Variants in ANAPC4 observed in about 807,000 individuals in gnomAD.
ANAPC4 encodes anaphase promoting complex subunit 4.
ANAPC4 carries 63 observed loss-of-function variants against 119.8 expected under a neutral mutation model. The observed-to-expected ratio is 0.53, with a 90% CI of 0.43 to 0.65. The LOEUF is 0.65. ANAPC4 is among the 30% of genes least tolerant of loss of function. The pLI, the probability that ANAPC4 is intolerant of heterozygous loss-of-function variation, is 0.00. For missense variants in ANAPC4, 716 were observed against 945.1 expected (o/e 0.76, Z 3.18); for synonymous variants, 283 against 318.6 (o/e 0.89, Z 1.19).
chr4:25,409,441 A>T (rs1342780408), intron 20 of ANAPC4, among the ~76,000 whole-genome samples: 2 of 152,236 alleles, frequency 1.3e-5, no homozygotes. Context: ...GCTAACATTT[A>T]TGGAGGGCTT....
rs553214322 is a variant in ANAPC4 at position 25,380,044 on chromosome 4, T to C, written c.130-330T>C. Among the ~76,000 whole-genome samples, 3 of 152,340 alleles carry C rather than the reference T, an allele frequency of 2.0e-5. No individual in the cohort carries two copies. In the East Asian group the frequency reaches 5.8e-4, roughly 29 times the overall value. On this transcript the variant is annotated intron_variant, in intron 2 of 28. Transcript: ENST00000315368. The stretch of plus-strand genomic sequence containing the variant: ...GACTAATTCCAAGCTTAGTATAATT[T>C]GACTGTATTACAGCTAGCTACCTTT...
At chr4:25,394,542 C>A in intron 12 of ANAPC4, 129 bp from the exon 13 acceptor site, 2 of 1,099,380 alleles carry the variant, frequency 1.8e-6, no homozygotes, top group Non-Finnish European at 2.6e-6. Context: ...ATGTTACATG[C>A]GTAGAATTTT....
intron 21 of ANAPC4, among the ~76,000 whole-genome samples, chr4:25,410,377 C>T (rs1392339195): frequency 6.6e-6 from 1 of 152,184 alleles, no homozygotes; most frequent in East Asian, 1.9e-4. Context: ...AATAATCTGA[C>T]CAGATTTAGC....
At chr4:25,410,451 C>CTA (rs1325983917) in intron 21 of ANAPC4, among the ~76,000 whole-genome samples, 2 of 152,120 alleles carry the variant, frequency 1.3e-5, no homozygotes, top group African/African-American at 4.8e-5. Flanking sequence ...GGTGCTTAGT[C>CTA]TGCCATATAC....
chr4:25,377,606 C>A, intron 2 of ANAPC4, 50 bp downstream of exon 2: 1 of 1,511,726 alleles, frequency 6.6e-7, no homozygotes, highest in South Asian at 1.3e-5. Context: ...TCCCGGGGGG[C>A]CCAAGAACAC....
chr4:25,405,525 T>C lies in ANAPC4; in HGVS notation c.1271-48T>C, dbSNP rs750780438. On this transcript the variant is annotated intron_variant, in intron 17 of 28. Coordinates refer to ENST00000315368, the MANE Select transcript of ANAPC4 (RefSeq NM_013367.3). This position sits in a 1 kb window ranked among gnomAD's most constrained non-coding sequence, Gnocchi z 4.6. ...TGAAATGTATTTATAATTAAAATTATGTTTGTAGTTTGCTTTTAAAGATAG... is the reference window on the plus strand; with the variant it reads ...TGAAATGTATTTATAATTAAAATTACGTTTGTAGTTTGCTTTTAAAGATAG... The C allele has an allele frequency of 1.3e-6, 2 of 1,497,880 alleles. No homozygotes were observed. The highest frequency in any genetic ancestry group is 2.3e-5 in the South Asian group (2 of 88,518). The allele number at this position is 1,497,880 out of a possible 1,614,324, so 92.8% of individuals were successfully genotyped here. A position where few individuals can be genotyped will look rare whatever the true frequency, so the allele number is the denominator to read the frequency against.
chr4:25,406,915 T>G (rs1362995067), intron 19 of ANAPC4, 30 bp downstream of exon 19: 3 of 1,517,114 alleles, frequency 2.0e-6, no homozygotes, highest in Admixed American at 4.3e-5. Flanking sequence ...GTAATGCAGT[T>G]TAAAAAAAAA....
chr4:25,403,716 A>G (rs1723102848), intron 17 of ANAPC4, among the ~76,000 whole-genome samples: 1 of 152,152 alleles, frequency 6.6e-6, no homozygotes, highest in Non-Finnish European at 1.5e-5. Flanking sequence ...CATACTGTCC[A>G]CATTTGAGGT....
chr4:25,388,877 C>A lies in ANAPC4; in HGVS notation c.510C>A (p.Asp170Glu). 6.3e-7 allele frequency: 1 copy of A among 1,593,746 alleles called. No individual in the cohort carries two copies. Among genetic ancestry groups the A allele is most frequent in the Non-Finnish European group, 8.6e-7 (1 of 1,167,500 alleles). The change falls in exon 7 of 29, where the codon GAC becomes GAA. Residue 170 changes from aspartate (D) to glutamate (E), a missense_variant. Around this residue, in one of 3 missense-constraint regions of ANAPC4, gnomAD observed 202 missense variants for 293.5 expected, o/e 0.69. Transcript: ENST00000315368. ...ATGAAATTATTAAGCTCTTGGGAGA[C>A]GTCAGGTAAATCTTACAGATAAATA... ...NSDEIIKLLG[D>E]VRLNILVLGG... is the part of the protein sequence containing the mutation.
chr4:25,399,256 A>G (rs1333273330), intron 16 of ANAPC4, among the ~76,000 whole-genome samples: 2 of 152,208 alleles, frequency 1.3e-5, no homozygotes, highest in East Asian at 1.9e-4. Context: ...TTAATACAGT[A>G]TATTAACCTA....
chr4:25,414,687 A>T lies in ANAPC4; in HGVS notation c.1813A>T (p.Thr605Ser), dbSNP rs1399479281. ...TAAAATGTGCATCTTAAGGAGACAT[A>T]CTGATATTTCTCAGTAAGTATTAAT... is the stretch of plus-strand genomic sequence containing the variant. Reference protein sequence around the residue: ...LYKMCILRRHTDISQSVSNGL... With the variant: ...LYKMCILRRHSDISQSVSNGL... Residue 605 changes from threonine (T) to serine (S), a missense_variant, in exon 25 of 29, where the codon ACT (threonine) becomes TCT (serine). Physicochemically the swap from Thr to Ser is moderately conservative, Grantham distance 58. This residue lies in a region of ANAPC4 where 504 missense variants were observed against 615.8 expected (regional missense o/e 0.82). Coordinates refer to ENST00000315368, the MANE Select transcript of ANAPC4 (RefSeq NM_013367.3). The T allele has an allele frequency of 6.6e-7, 1 of 1,526,532 alleles. No homozygotes were observed. Among genetic ancestry groups the T allele is most frequent in the Non-Finnish European group, 8.9e-7 (1 of 1,128,060 alleles). 94.6% of individuals were successfully genotyped at this position (1,526,532 alleles called of 1,614,324 possible).
At chr4:25,412,390 C>G (rs903366521) in intron 21 of ANAPC4, among the ~76,000 whole-genome samples, 2 of 151,910 alleles carry the variant, frequency 1.3e-5, no homozygotes, top group African/African-American at 4.8e-5. Flanking sequence ...TGGAGGCTGG[C>G]GGGTGGAGCT....
intron 20 of ANAPC4, among the ~76,000 whole-genome samples, chr4:25,408,739 T>TA (rs1209161173): frequency 1.3e-5 from 2 of 152,008 alleles, no homozygotes; most frequent in African/African-American, 2.4e-5. Context: ...GCTCAAGTGA[T>TA]ACGCCTGCCA....
intron 20 of ANAPC4, among the ~76,000 whole-genome samples, chr4:25,408,108 A>G (rs1723362178): frequency 1.3e-5 from 2 of 152,324 alleles, no homozygotes; most frequent in East Asian, 1.9e-4. Context: ...TGTTGTTTCT[A>G]TAGTATCAGT....
At chr4:25,403,141 A>G (rs1324214801) in intron 17 of ANAPC4, 115 bp downstream of exon 17, 8 of 793,940 alleles carry the variant, frequency 1.0e-5, no homozygotes, top group African/African-American at 1.8e-5. Flanking sequence ...AGAGAACTAT[A>G]TAATGATCCC....
intron 18 of ANAPC4, among the ~76,000 whole-genome samples, chr4:25,406,602 G>A (rs1723262888): frequency 6.6e-6 from 1 of 152,136 alleles, no homozygotes; most frequent in Non-Finnish European, 1.5e-5. Context: ...TGTAGCTATT[G>A]GATTAACTGA....
chr4:25,401,750 G>A (rs934258457), intron 16 of ANAPC4, among the ~76,000 whole-genome samples: 1 of 152,006 alleles, frequency 6.6e-6, no homozygotes, highest in Non-Finnish European at 1.5e-5. Flanking sequence ...TTGTTTTTGT[G>A]AGTTTCTAAC....
chr4:25,383,800 A>T (rs961053147), intron 4 of ANAPC4, among the ~76,000 whole-genome samples: 4 of 152,268 alleles, frequency 2.6e-5, no homozygotes, highest in Non-Finnish European at 4.4e-5. Context: ...GCTAACGATC[A>T]TCTGAGCTTT....
chr4:25,383,761 A>G (rs1276735371), intron 4 of ANAPC4, among the ~76,000 whole-genome samples: 3 of 152,276 alleles, frequency 2.0e-5, no homozygotes, highest in Admixed American at 6.5e-5. Context: ...CATGTAACTT[A>G]ATTAAAATAT....
Sources: gnomAD v4.1 joint callset for allele counts (sites outside exome capture counted in the v4.1 genomes callset) on GRCh38, gnomAD v4.1.1 for gene constraint, gnomAD v4.1.1 regional missense constraint, Gnocchi (gnomAD v3.1) non-coding constraint, MANE v1.5 for transcripts, NCBI Gene and HGNC (gene_info 2026-07-23, HGNC 2026-07-21) for gene names.